The following SLC12A6 variants were observed in gnomAD, a reference collection of about 807,000 sequenced individuals.
SLC12A6 encodes solute carrier family 12 member 6, also known as K-Cl cotransporter 3.
In SLC12A6, 66 loss-of-function variants were observed where a neutral mutation model predicts 135.3. The observed-to-expected ratio is 0.49, with a 90% CI of 0.40 to 0.60. SLC12A6 has a LOEUF of 0.60. Among genes scored for constraint, SLC12A6 ranks in the 20% least tolerant of loss-of-function variants. SLC12A6 has a pLI of 0.00. For synonymous variants in SLC12A6, 513 were observed against 508.8 expected, an observed-to-expected ratio of 1.01 and a Z score of -0.11; for missense variants, 1,058 against 1,452.3, an observed-to-expected ratio of 0.73 and a Z score of 4.41.
Position 34,257,781 on chromosome 15 carries a change from TG to T in SLC12A6, c.550del (p.Gln184LysfsTer19), listed in dbSNP as rs1057517109. 3 of 1,604,182 alleles carry T rather than the reference TG, an allele frequency of 1.9e-6. No individual in the cohort carries two copies. Among genetic ancestry groups the T allele is most frequent in the African/African-American group, 1.3e-5 (1 of 74,722 alleles). ...EGKKKPTKTPQMGTFMGVYLP... is the reference protein window; with the variant it reads ...EGKKKPTKTPXMGTFMGVYLP... ...GTAGACACCCATGAAGGTACCCATTTGGGGGGTCTAGAAAGAAAGACATTGA... is the reference window on the plus strand; with the variant it reads ...GTAGACACCCATGAAGGTACCCATTTGGGGGTCTAGAAAGAAAGACATTGA... On this transcript the variant is annotated frameshift_variant, in exon 6 of 26. Transcript: ENST00000354181. LOFTEE classifies it high-confidence loss of function.
At position 34,235,341 on chromosome 15, in the gene SLC12A6, T is replaced by TA. The variant is rs1172832236; in HGVS notation, c.3228-28dup. On this transcript the variant is annotated intron_variant, in intron 24 of 25. Coordinates refer to ENST00000354181, the MANE Select transcript of SLC12A6 (RefSeq NM_001365088.1). ...TGAGTGGGGAAGAAATAAAGGTTGT[T>TA]AAGGTAAAAAGACAACTAGCCATAA... is the stretch of plus-strand genomic sequence containing the variant. The TA allele has an allele frequency of 4.4e-6, 7 of 1,607,578 alleles. No individual in the cohort carries two copies. In the Admixed American group the frequency reaches 1.2e-4, roughly 27 times the overall value.
At chr15:34,286,548 A>T (rs1895092546) in intron 2 of SLC12A6, among the ~76,000 whole-genome samples, 1 of 151,856 alleles carries the variant, frequency 6.6e-6, no homozygotes, top group Non-Finnish European at 1.5e-5. Flanking sequence ...TAATCCCAGC[A>T]CTTTGGGAGG....
At chr15:34,330,808 T>TAATATAGA (rs751693806) in intron 2 of SLC12A6, among the ~76,000 whole-genome samples, 12 of 152,176 alleles carry the variant, frequency 7.9e-5, no homozygotes, top group Admixed American at 3.3e-4. Context: ...AATAATTATA[T>TAATATAGA]AATATAGAAG....
chr15:34,274,997 CA>C (rs1894202272), intron 3 of SLC12A6, among the ~76,000 whole-genome samples: 1 of 151,598 alleles, frequency 6.6e-6, no homozygotes, highest in African/African-American at 2.4e-5. Flanking sequence ...ATCAAAAGGC[CA>C]AGAAAAGTAA....
At chr15:34,268,342 T>C (rs929077769) in intron 3 of SLC12A6, among the ~76,000 whole-genome samples, 1 of 152,148 alleles carries the variant, frequency 6.6e-6, no homozygotes, top group African/African-American at 2.4e-5. Flanking sequence ...TTGTCTACAT[T>C]TTATGAGACC....
chr15:34,300,793 CAAA>C (rs71763739), intron 2 of SLC12A6, among the ~76,000 whole-genome samples: 1 of 98,806 alleles, frequency 1.0e-5, no homozygotes, highest in Non-Finnish European at 2.4e-5. Context: ...GACTCCGTCT[CAAA>C]AAAAAAAAAA....
intron 2 of SLC12A6, among the ~76,000 whole-genome samples, chr15:34,288,659 T>C (rs575870401): frequency 6.6e-6 from 1 of 152,366 alleles, no homozygotes; most frequent in Non-Finnish European, 1.5e-5. Flanking sequence ...TCTTATTTCC[T>C]TGGGCAGTGG....
At chr15:34,294,149 A>G (rs909380677) in intron 2 of SLC12A6, among the ~76,000 whole-genome samples, 1 of 152,166 alleles carries the variant, frequency 6.6e-6, no homozygotes, top group Non-Finnish European at 1.5e-5. Flanking sequence ...TTATGAAGCA[A>G]TATCTATATT....
chr15:34,270,188 C>G (rs1429453458), intron 3 of SLC12A6, among the ~76,000 whole-genome samples: 1 of 151,682 alleles, frequency 6.6e-6, no homozygotes, highest in African/African-American at 2.4e-5. Flanking sequence ...TACAGTGGCA[C>G]CATCACAGCT....
intron 2 of SLC12A6, among the ~76,000 whole-genome samples, chr15:34,277,434 TC>T (rs764729187): frequency 2.0e-5 from 3 of 151,844 alleles, no homozygotes; most frequent in Admixed American, 1.3e-4. Context: ...ACCTCATCTC[TC>T]CCCCAACCCC....
intron 2 of SLC12A6, among the ~76,000 whole-genome samples, chr15:34,307,336 TA>T (rs1751926529): frequency 6.6e-6 from 1 of 152,174 alleles, no homozygotes; most frequent in Admixed American, 6.5e-5. Flanking sequence ...ATTTCCACAA[TA>T]AAAAATAAAA....
At position 34,318,462 on chromosome 15, in the gene SLC12A6, T is replaced by A. The variant is rs2291766; in HGVS notation, c.271+17948A>T. On this transcript the variant is annotated intron_variant, in intron 2 of 25. Coordinates refer to ENST00000354181, the MANE Select transcript of SLC12A6 (RefSeq NM_001365088.1). ...GAAAAACACCTCAACCACAACACTT[T>A]TCTCTGTCCTAAAGAAGGCATTTTG... is the stretch of plus-strand genomic sequence containing the variant. The A allele has an allele frequency of 4.2e-4, 396 of 947,000 alleles. 2 individuals are homozygous for A. In the East Asian group the frequency reaches 9.4e-3, roughly 22 times the overall value. 58.7% of individuals were successfully genotyped at this position (947,000 alleles called of 1,614,324 possible). A position where few individuals can be genotyped will look rare whatever the true frequency, so the allele number is the denominator to read the frequency against.
chr15:34,305,966 T>A (rs1013920074), intron 2 of SLC12A6, among the ~76,000 whole-genome samples: 3 of 152,114 alleles, frequency 2.0e-5, no homozygotes, highest in African/African-American at 7.2e-5. Flanking sequence ...TTTCCCCATG[T>A]TAGCCAGGAT....
At chr15:34,322,711 C>T (rs1595572221) in intron 2 of SLC12A6, among the ~76,000 whole-genome samples, 1 of 151,928 alleles carries the variant, frequency 6.6e-6, no homozygotes, top group Non-Finnish European at 1.5e-5. Context: ...GGCGTGGTGG[C>T]TTACACCTGT....
chr15:34,251,198 T>TAC, intron 10 of SLC12A6, 141 bp from the exon 11 acceptor site: 1 of 678,408 alleles, frequency 1.5e-6, no homozygotes, highest in Non-Finnish European at 2.6e-6. Context: ...AGCACATGTA[T>TAC]ACACACACAT....
chr15:34,327,657 C>CAAAAA (rs80177584), intron 2 of SLC12A6, among the ~76,000 whole-genome samples: 1 of 131,086 alleles, frequency 7.6e-6, no homozygotes, highest in Non-Finnish European at 1.6e-5. Context: ...GACTCTGTCT[C>CAAAAA]AAAAAAAAAA....
intron 2 of SLC12A6, among the ~76,000 whole-genome samples, chr15:34,304,599 A>G (rs1896475542): frequency 6.6e-6 from 1 of 152,110 alleles, no homozygotes; most frequent in African/African-American, 2.4e-5. Flanking sequence ...AAAAAACTGT[A>G]CCTCATTTTG....
chr15:34,248,002 G>A (rs914760390), intron 13 of SLC12A6, among the ~76,000 whole-genome samples: 1 of 152,138 alleles, frequency 6.6e-6, no homozygotes, highest in Non-Finnish European at 1.5e-5. Flanking sequence ...ACCATACCCA[G>A]CCCTCTGACT....
chr15:34,270,586 T>C (rs1893846863), intron 3 of SLC12A6, among the ~76,000 whole-genome samples: 1 of 152,006 alleles, frequency 6.6e-6, no homozygotes, highest in Non-Finnish European at 1.5e-5. Flanking sequence ...GCGGATCACT[T>C]GAGGCTTGGA....
Sources: allele counts gnomAD v4.1 joint callset (sites outside exome capture counted in the v4.1 genomes callset), GRCh38; gene constraint gnomAD v4.1.1; transcripts MANE v1.5; gene names NCBI Gene and HGNC (gene_info 2026-07-23, HGNC 2026-07-21).